EDN2: variants seen among roughly 807,000 people sequenced by gnomAD.
EDN2 encodes endothelin-2.
A neutral mutation model predicts 19.9 loss-of-function variants in EDN2; 10 were observed. The ratio of observed to expected loss-of-function variants is 0.50; its 90% CI spans 0.31 to 0.85. The LOEUF (loss-of-function observed/expected upper bound fraction) is 0.85, where lower values mean the gene tolerates loss of function less well. Among genes scored for constraint, EDN2 ranks in the 40% least tolerant of loss-of-function variants. The pLI is 0.05. For synonymous variants in EDN2, 84 were observed against 94.9 expected (o/e 0.89, Z 0.67); for missense variants, 222 against 239.3 (o/e 0.93, Z 0.48).
Position 41,482,497 on chromosome 1 carries a change from CG to C in EDN2, c.312del (p.Ala105ProfsTer43). On this transcript the variant is annotated frameshift_variant, in exon 3 of 5. Coordinates refer to ENST00000372587, the MANE Select transcript of EDN2 (RefSeq NM_001956.5). LOFTEE classifies it high-confidence loss of function. ...CTTCGAAGGCAGAAGGTGGCACAGG[CG>C]GGGTCCCTGGCACTGGAGCACTGAC... ...RRCQCSSARD[P>X]ACATFCLRRP... The C allele has an allele frequency of 6.2e-7, 1 of 1,600,688 alleles. No homozygotes were observed. Among genetic ancestry groups the C allele is most frequent in the Admixed American group, 1.7e-5 (1 of 58,884 alleles).
Position 41,481,198 on chromosome 1 carries a change from G to C in EDN2, c.345-5C>G. The C allele has an allele frequency of 6.2e-7, 1 of 1,613,030 alleles. No individual in the cohort carries two copies. The highest frequency in any genetic ancestry group is 8.5e-7 in the Non-Finnish European group (1 of 1,179,380). Reference sequence around the variant, plus strand: ...GGGACTGCCCCGGCTTCAGTCCTACGTGAATAGCATTAGGGCCCAAGTGAT... The same window carrying C: ...GGGACTGCCCCGGCTTCAGTCCTACCTGAATAGCATTAGGGCCCAAGTGAT... On this transcript the variant is annotated splice_polypyrimidine_tract_variant and splice_region_variant and intron_variant, in intron 3 of 4. Coordinates refer to ENST00000372587, the MANE Select transcript of EDN2 (RefSeq NM_001956.5).
chr1:41,483,831 AGGC>A, intron 2 of EDN2: 1 of 516,614 alleles, frequency 1.9e-6, no homozygotes, highest in Non-Finnish European at 3.4e-6. Flanking sequence ...CTTGCTTACC[AGGC>A]TGTCTTAAGA....
rs147049205 is a variant in EDN2 at position 41,482,483 on chromosome 1, G to A, written c.327C>T (p.Phe109=). The A allele has an allele frequency of 7.9e-5, 127 of 1,602,110 alleles. No homozygotes were observed. The highest frequency in any genetic ancestry group is 1.0e-4 in the Non-Finnish European group (119 of 1,174,858). ...SSARDPACAT[F]CLRRPWTEAG... ...CCACCTACCAGGGCCTTCGAAGGCA[G>A]AAGGTGGCACAGGCGGGGTCCCTGG... is the stretch of plus-strand genomic sequence containing the variant. The change falls in exon 3 of 5, where the codon TTC becomes TTT. Residue 109 remains phenylalanine (F), a synonymous_variant. Transcript: ENST00000372587.
In EDN2 at chr1:41,483,966, C is replaced by T. The variant is rs909657140; in HGVS notation, c.221+81G>A. ...CCCAGGGAGAGATGGAATGTGTCAA[C>T]GTTCCCTAGCATGCCAGTAGCTTCC... On this transcript the variant is annotated intron_variant, in intron 2 of 4. Coordinates refer to ENST00000372587, the MANE Select transcript of EDN2 (RefSeq NM_001956.5). The T allele has an allele frequency of 3.3e-5, 47 of 1,439,918 alleles. 1 individual carries two copies. In the African/African-American group the frequency reaches 4.2e-4, roughly 13 times the overall value. The allele number at this position is 1,439,918 out of a possible 1,614,324, so 89.2% of individuals were successfully genotyped here. A position where few individuals can be genotyped will look rare whatever the true frequency, so the allele number is the denominator to read the frequency against.
intron 3 of EDN2, among the ~76,000 whole-genome samples, chr1:41,481,818 G>A (rs560204336): frequency 3.3e-5 from 5 of 152,170 alleles, no homozygotes; most frequent in Non-Finnish European, 7.3e-5. Flanking sequence ...TGGGATTACA[G>A]GTGTGAGCCA....
intron 2 of EDN2, 105 bp from the exon 3 acceptor site, chr1:41,482,693 G>T: frequency 7.2e-7 from 1 of 1,392,290 alleles, no homozygotes; most frequent in Non-Finnish European, 9.3e-7. Flanking sequence ...CCATTGGCAA[G>T]CAGGGACTGT....
rs796487378 is a variant in EDN2, at chr1:41,482,799, G to A, written c.222-211C>T. 5.7e-6 allele frequency: 3 copies of A among 529,146 alleles called. No homozygotes were observed. The African/African-American group carries it at 6.0e-5, about 11-fold the overall frequency. 32.8% of individuals were successfully genotyped at this position (529,146 alleles called of 1,614,324 possible). A position where few individuals can be genotyped will look rare whatever the true frequency, so the allele number is the denominator to read the frequency against. ...AAGAAGTCACACCACTGAAGTCACA[G>A]GCTACTCCACAAGGGTCCTGGTAGC... On this transcript the variant is annotated intron_variant, in intron 2 of 4. Coordinates refer to ENST00000372587, the MANE Select transcript of EDN2 (RefSeq NM_001956.5).
chr1:41,479,791 C>G (rs922089449), intron 4 of EDN2, among the ~76,000 whole-genome samples: 1 of 152,246 alleles, frequency 6.6e-6, no homozygotes, highest in African/African-American at 2.4e-5. Flanking sequence ...GGTCTCCCGT[C>G]ATCTGCCTTC....
Position 41,481,095 on chromosome 1 carries a change from C to T in EDN2, c.443G>A (p.Arg148Lys). 1.2e-6 allele frequency: 2 copies of T among 1,613,500 alleles called. No homozygotes were observed. The highest frequency in any genetic ancestry group is 1.7e-6 in the Non-Finnish European group (2 of 1,179,482). The change falls in exon 4 of 5, where the codon AGG (arginine) becomes AAG (lysine). Residue 148 changes from arginine (R) to lysine (K), a missense_variant and splice_region_variant. Physicochemically the swap from Arg to Lys is conservative, Grantham distance 26. Coordinates refer to ENST00000372587, the MANE Select transcript of EDN2 (RefSeq NM_001956.5). ...CTGTGCATGTGTCCCACGCCCTCAC[C>T]TCAGCCTTTGGAGAAGCTCTCCTGT... The part of the protein sequence containing the change: ...ATTGELLQRL[R>K]DISTVKSLFA...
In EDN2 at chr1:41,479,497, A is replaced by C. The variant is rs747772550; in HGVS notation, c.449T>G (p.Ile150Ser). The change falls in exon 5 of 5, where the codon ATT becomes AGT. Residue 150 changes from isoleucine to serine, a missense_variant. Transcript: ENST00000372587. ...TGELLQRLRD[I>S]STVKSLFAKR... Reference sequence around the variant, plus strand: ...GGCAAAGAGGCTCTTGACTGTGGAAATGTCCCTGGGAATCAAGAAGGGTCA... The same window carrying C: ...GGCAAAGAGGCTCTTGACTGTGGAACTGTCCCTGGGAATCAAGAAGGGTCA... The C allele has an allele frequency of 1.4e-5, 22 of 1,613,912 alleles. No individual in the cohort carries two copies. The highest frequency in any genetic ancestry group is 1.8e-5 in the Non-Finnish European group (21 of 1,179,904).
intron 4 of EDN2, 41 bp from the exon 5 acceptor site, chr1:41,479,543 T>G: frequency 6.4e-7 from 1 of 1,569,258 alleles, no homozygotes; most frequent in Non-Finnish European, 8.8e-7. Context: ...TCAGGAGATA[T>G]GGACTGTCCA....
rs11572345 is a variant in EDN2 at position 41,483,608 on chromosome 1, C to T, written c.221+439G>A. 882 of 168,748 alleles carry T rather than the reference C, an allele frequency of 5.2e-3. 12 individuals are homozygous for T. Among genetic ancestry groups the T allele is most frequent in the African/African-American group, 0.02 (822 of 41,826 alleles). 10.5% of individuals were successfully genotyped at this position (168,748 alleles called of 1,614,324 possible). ...CTGAGATGATCATGCACGTGCAGTG[C>T]TTGGCAAAGAGCCTGGCATAGTCAA... On this transcript the variant is annotated intron_variant, in intron 2 of 4. Transcript: ENST00000372587.
Position 41,482,518 on chromosome 1 carries a change from A to G in EDN2, c.292T>C (p.Cys98Arg), listed in dbSNP as rs764024548. 2.5e-6 allele frequency: 4 copies of G among 1,596,182 alleles called. No individual in the cohort carries two copies. In the African/African-American group the frequency reaches 5.5e-5, roughly 22 times the overall value. ...RRRSLPRRCQ[C>R]SSARDPACAT... ...CAGGCGGGGTCCCTGGCACTGGAGC[A>G]CTGACAGCGCCTTGGCAGGGAGCGG... Residue 98 changes from cysteine to arginine, a missense_variant, in exon 3 of 5, where the codon TGC (cysteine) becomes CGC (arginine). Physicochemically the swap from Cys to Arg is radical, Grantham distance 180. Coordinates refer to ENST00000372587, the MANE Select transcript of EDN2 (RefSeq NM_001956.5).
intron 1 of EDN2, among the ~76,000 whole-genome samples, 163 bp downstream of exon 1, chr1:41,484,375 T>C (rs1244624757): frequency 2.0e-5 from 3 of 152,192 alleles, no homozygotes; most frequent in African/African-American, 7.2e-5. Flanking sequence ...GTGGGGAGCC[T>C]GGGCACCTCT....
At chr1:41,481,277 C>A in intron 3 of EDN2, 84 bp from the exon 4 acceptor site, 1 of 1,127,016 alleles carries the variant, frequency 8.9e-7, no homozygotes, top group South Asian at 1.4e-5. Context: ...CAGCCCCCAC[C>A]CCTTCCCCAT....
rs185633498 is a variant in EDN2 at position 41,481,001 on chromosome 1, A to G, written c.443+94T>C. 4.4e-5 allele frequency: 47 copies of G among 1,066,874 alleles called. 1 individual carries two copies. In the African/African-American group the frequency reaches 6.3e-4, roughly 14 times the overall value. The allele number at this position is 1,066,874 out of a possible 1,614,324, so 66.1% of individuals were successfully genotyped here. The stretch of plus-strand genomic sequence containing the variant: ...TGAGCCTCAGTTCTCTTTGCTGCCC[A>G]ATGAGGACCCAGGCCTGCCTCACAT... On this transcript the variant is annotated intron_variant, in intron 4 of 4. Coordinates refer to ENST00000372587, the MANE Select transcript of EDN2 (RefSeq NM_001956.5).
Position 41,479,073 on chromosome 1 carries a change from T to C in EDN2, c.*336A>G. 2.6e-6 allele frequency: 1 copy of C among 386,060 alleles called. No homozygotes were observed. The highest frequency in any genetic ancestry group is 5.0e-6 in the Non-Finnish European group (1 of 199,002). 23.9% of individuals were successfully genotyped at this position (386,060 alleles called of 1,614,324 possible). A position where few individuals can be genotyped will look rare whatever the true frequency, so the allele number is the denominator to read the frequency against. Reference sequence around the variant, plus strand: ...CGTGGCTGCACGGTTGCTCCTGGTTTGTAGCCCAGCAGACAGGACACTCCT... The same window carrying C: ...CGTGGCTGCACGGTTGCTCCTGGTTCGTAGCCCAGCAGACAGGACACTCCT... On this transcript the variant is annotated 3_prime_UTR_variant, in exon 5 of 5. Coordinates refer to ENST00000372587, the MANE Select transcript of EDN2 (RefSeq NM_001956.5).
rs751155668 is a variant in EDN2 at position 41,482,597 on chromosome 1, G to A, written c.222-9C>T. ...CGTAAGGAGCTGTCTGTCTGTGGGC[G>A]GGCAGCCAGCAAGGTAGTGGTGTGG... On this transcript the variant is annotated splice_polypyrimidine_tract_variant and intron_variant, in intron 2 of 4. Coordinates refer to ENST00000372587, the MANE Select transcript of EDN2 (RefSeq NM_001956.5). 10 of 1,561,388 alleles carry A rather than the reference G, an allele frequency of 6.4e-6. No homozygotes were observed. The highest frequency in any genetic ancestry group is 2.0e-5 in the Admixed American group (1 of 49,738).
At chr1:41,482,762 G>T in intron 2 of EDN2, 174 bp from the exon 3 acceptor site, 1 of 770,244 alleles carries the variant, frequency 1.3e-6, no homozygotes, top group Non-Finnish European at 1.8e-6. Context: ...AAGGTGACCA[G>T]CCCTTGACCT....
Sources: allele counts gnomAD v4.1 joint callset (sites outside exome capture counted in the v4.1 genomes callset), GRCh38; gene constraint gnomAD v4.1.1; transcripts MANE v1.5; gene names NCBI Gene and HGNC (gene_info 2026-07-23, HGNC 2026-07-21).